The following KRABD5 variants were observed in gnomAD, a reference collection of about 807,000 sequenced individuals.
KRABD5 encodes KRAB domain-containing protein 5.
At chr16:31,752,107 T>TACC in the KRABD5 span, among the ~76,000 whole-genome samples, 1 of 152,256 alleles carries the variant, frequency 6.6e-6, no homozygotes, top group East Asian at 1.9e-4. Flanking sequence ...TATTCTATTT[T>TACC]AGTCCAAAAG....
the KRABD5 span, among the ~76,000 whole-genome samples, chr16:31,731,300 G>C: frequency 6.6e-6 from 1 of 152,194 alleles, no homozygotes; most frequent in South Asian, 2.1e-4. Flanking sequence ...TGGGTTTTAT[G>C]GTTGACAGAC....
the KRABD5 span, among the ~76,000 whole-genome samples, chr16:31,747,544 A>G: frequency 1.3e-5 from 2 of 152,314 alleles, no homozygotes; most frequent in African/African-American, 4.8e-5. Context: ...TTCTAGTTCT[A>G]GATCCCTGAG....
At chr16:31,748,275 AG>A in the KRABD5 span, among the ~76,000 whole-genome samples, 1 of 152,138 alleles carries the variant, frequency 6.6e-6, no homozygotes, top group South Asian at 2.1e-4. Flanking sequence ...AGTTTTTGTC[AG>A]GTTTGTCAAA....
the KRABD5 span, among the ~76,000 whole-genome samples, chr16:31,747,290 T>C: frequency 1.3e-5 from 2 of 152,140 alleles, no homozygotes; most frequent in African/African-American, 2.4e-5. Context: ...GTTTCCAGCT[T>C]CATCCATGTC....
chr16:31,733,860 G>A, the KRABD5 span, among the ~76,000 whole-genome samples: 1 of 152,186 alleles, frequency 6.6e-6, no homozygotes, highest in Non-Finnish European at 1.5e-5. Flanking sequence ...GTACATGGGT[G>A]TGCAAACATC....
chr16:31,753,880 G>A, the KRABD5 span: 4 of 1,551,170 alleles, frequency 2.6e-6, no homozygotes, highest in African/African-American at 2.7e-5. Flanking sequence ...TTAAACTTAA[G>A]GAAAGAGTGG....
chr16:31,736,297 G>T, the KRABD5 span, among the ~76,000 whole-genome samples: 102 of 152,120 alleles, frequency 6.7e-4, no homozygotes, highest in African/African-American at 2.3e-3. Flanking sequence ...GGATACTGTA[G>T]CTTTGTAGTA....
the KRABD5 span, among the ~76,000 whole-genome samples, chr16:31,721,279 A>G: frequency 1.8e-4 from 28 of 152,212 alleles, no homozygotes; most frequent in African/African-American, 6.3e-4. Context: ...TACCATTTCT[A>G]TGTACGTATG....
chr16:31,720,614 C>T, the KRABD5 span, among the ~76,000 whole-genome samples: 1 of 152,116 alleles, frequency 6.6e-6, no homozygotes, highest in Non-Finnish European at 1.5e-5. Flanking sequence ...CTTTTTTCCC[C>T]CACTAATATA....
the KRABD5 span, among the ~76,000 whole-genome samples, chr16:31,742,088 G>C: frequency 6.6e-6 from 1 of 151,916 alleles, no homozygotes; most frequent in South Asian, 2.1e-4. Context: ...TGGAACATCA[G>C]ATGATTGTAA....
chr16:31,746,734 A>T, the KRABD5 span, among the ~76,000 whole-genome samples: 1 of 152,168 alleles, frequency 6.6e-6, no homozygotes, highest in South Asian at 2.1e-4. Flanking sequence ...CATTCTCCTC[A>T]TGTTTTTCAG....
At chr16:31,730,175 C>T in the KRABD5 span, among the ~76,000 whole-genome samples, 4 of 151,676 alleles carry the variant, frequency 2.6e-5, no homozygotes, top group Non-Finnish European at 4.4e-5. Flanking sequence ...TTGAGTAATT[C>T]CCTTTAGTCG....
chr16:31,722,266 G>T, the KRABD5 span, among the ~76,000 whole-genome samples: 1 of 151,964 alleles, frequency 6.6e-6, no homozygotes, highest in Non-Finnish European at 1.5e-5. Context: ...GTAGAGATGG[G>T]GTTTCATCAT....
At chr16:31,713,434 T>C in the KRABD5 span, 5 of 1,605,088 alleles carry the variant, frequency 3.1e-6, no homozygotes, top group African/African-American at 5.4e-5. Context: ...AGCTGGGAAA[T>C]GGTGAATGTG....
At chr16:31,723,639 C>A in the KRABD5 span, among the ~76,000 whole-genome samples, 1 of 152,192 alleles carries the variant, frequency 6.6e-6, no homozygotes. Flanking sequence ...ACTGTTCTTC[C>A]ATTGATTTGG....
At chr16:31,754,550 C>T in the KRABD5 span, 8 of 538,384 alleles carry the variant, frequency 1.5e-5, no homozygotes, top group African/African-American at 5.6e-5. Context: ...CCATTGCAAA[C>T]GTAAAAAATG....
chr16:31,754,779 A>G, the KRABD5 span: 3 of 464,124 alleles, frequency 6.5e-6, no homozygotes, highest in South Asian at 1.6e-5. Context: ...ATAATCCATA[A>G]TGAAGAGAAA....
At chr16:31,721,208 A>G in the KRABD5 span, among the ~76,000 whole-genome samples, 1 of 152,186 alleles carries the variant, frequency 6.6e-6, no homozygotes, top group African/African-American at 2.4e-5. Flanking sequence ...ATATAGTTTT[A>G]ACACAATTTA....
the KRABD5 span, among the ~76,000 whole-genome samples, chr16:31,753,190 T>C: frequency 6.6e-6 from 1 of 152,162 alleles, no homozygotes; most frequent in Non-Finnish European, 1.5e-5. Flanking sequence ...ACTGTGTGTA[T>C]TTTCCTATTA....
Sources: gnomAD v4.1 joint callset for allele counts (sites outside exome capture counted in the v4.1 genomes callset) on GRCh38, gnomAD v4.1.1 for gene constraint, MANE v1.5 for transcripts, NCBI Gene and HGNC (gene_info 2026-07-23, HGNC 2026-07-21) for gene names.